The following PRR11 variants were observed in gnomAD, a reference collection of about 807,000 sequenced individuals.
PRR11 encodes proline rich 11, also known as proline-rich protein 11.
Under a neutral mutation model 45.6 loss-of-function variants are expected in PRR11, and 30 were observed. The observed-to-expected ratio is 0.66, with a 90% CI of 0.49 to 0.89. PRR11 has a LOEUF of 0.89. Among genes scored for constraint, PRR11 ranks in the 40% least tolerant of loss-of-function variants. The pLI, the probability that PRR11 is intolerant of heterozygous loss-of-function variation, is 0.00. For synonymous variants in PRR11, 128 were observed against 153.5 expected, an observed-to-expected ratio of 0.83 and a Z score of 1.23; for missense variants, 373 against 424.8, an observed-to-expected ratio of 0.88 and a Z score of 1.07.
intron 1 of PRR11, 129 bp downstream of exon 1, chr17:59,155,934 G>C (rs1363919846): frequency 1.3e-5 from 2 of 152,322 alleles, no homozygotes; most frequent in South Asian, 4.1e-4. Context: ...GAAATGGAAA[G>C]GAGGAAGGGG....
chr17:59,185,232 T>C (rs772542491), intron 3 of PRR11, 28 bp downstream of exon 3: 3 of 1,609,824 alleles, frequency 1.9e-6, no homozygotes, highest in Admixed American at 1.7e-5. Flanking sequence ...CTGTTTTCAG[T>C]GCTATAGTTT....
At chr17:59,164,895 C>T (rs1433221088) in intron 1 of PRR11, among the ~76,000 whole-genome samples, 1 of 151,820 alleles carries the variant, frequency 6.6e-6, no homozygotes, top group Non-Finnish European at 1.5e-5. Context: ...AAAAAAAGGT[C>T]CTGACCATAG....
intron 7 of PRR11, among the ~76,000 whole-genome samples, chr17:59,197,125 G>A (rs1382130247): frequency 2.0e-5 from 3 of 152,030 alleles, no homozygotes; most frequent in African/African-American, 7.2e-5. Context: ...GGGATCACAG[G>A]CGTGAGCCAC....
intron 2 of PRR11, among the ~76,000 whole-genome samples, chr17:59,174,570 G>T (rs2046731719): frequency 6.6e-6 from 1 of 152,188 alleles, no homozygotes. Context: ...CAACCTCCCA[G>T]GCTCCAGTGA....
chr17:59,174,842 A>T (rs2046734098), intron 2 of PRR11: 1 of 1,260,724 alleles, frequency 7.9e-7, no homozygotes, highest in Admixed American at 1.7e-5. Context: ...TGGATCTGGA[A>T]AAACAAACGC....
intron 9 of PRR11, among the ~76,000 whole-genome samples, chr17:59,199,619 G>A (rs895488784): frequency 6.6e-6 from 1 of 152,168 alleles, no homozygotes; most frequent in African/African-American, 2.4e-5. Context: ...GGCTGCCCCT[G>A]CTGGAGTGCT....
At position 59,193,600 on chromosome 17, in the gene PRR11, G is replaced by C. The variant is rs200300454; in HGVS notation, c.511G>C (p.Ala171Pro). The change falls in exon 5 of 10, where the codon GCT (alanine) becomes CCT (proline). Residue 171 changes from alanine (A) to proline (P), a missense_variant. Transcript: ENST00000262293. ...TCTGATCACCCCTGGAGACTCCAAA[G>C]CTGTGCTTCCTCCCACACTGCCACA... is the stretch of plus-strand genomic sequence containing the variant. ...CVLITPGDSK[A>P]VLPPTLPQPA... The C allele has an allele frequency of 6.2e-6, 10 of 1,614,134 alleles. No homozygotes were observed. In the East Asian group the frequency reaches 2.2e-4, roughly 36 times the overall value.
At chr17:59,173,642 C>G (rs1716404840) in intron 2 of PRR11, among the ~76,000 whole-genome samples, 1 of 152,214 alleles carries the variant, frequency 6.6e-6, no homozygotes, top group African/African-American at 2.4e-5. Flanking sequence ...AAGGAACAAA[C>G]TCCGGACACG....
rs1283476585 is a variant in PRR11, at chr17:59,204,880, T to G, written c.*3249T>G. 6.6e-6 allele frequency among the ~76,000 whole-genome samples: 1 copy of G among 151,782 alleles called. No homozygotes were observed. Among genetic ancestry groups the G allele is most frequent in the Non-Finnish European group, 1.5e-5 (1 of 67,980 alleles). On this transcript the variant is annotated 3_prime_UTR_variant, in exon 10 of 10. Transcript: ENST00000262293. ...CCCAACTCTACAAAAAACGAAAAAT[T>G]AGCCGGGAGCGGTGATGTGTGCCTG...
At position 59,197,558 on chromosome 17, in the gene PRR11, G is replaced by C; in HGVS notation, c.872G>C (p.Ser291Thr). 1 of 1,613,932 alleles carries C rather than the reference G, an allele frequency of 6.2e-7. No individual in the cohort carries two copies. Among genetic ancestry groups the C allele is most frequent in the East Asian group, 2.2e-5 (1 of 44,878 alleles). ...TGTTTTATCAGCACTCCTGGAAAAA[G>C]TCAGATGGATCTGCGGAAACTGCTT... is the stretch of plus-strand genomic sequence containing the variant. The part of the protein sequence containing the change: ...VTNVLITPGK[S>T]QMDLRKLLRK... The change falls in exon 8 of 10, where the codon AGT becomes ACT. Residue 291 changes from serine to threonine, a missense_variant. Coordinates refer to ENST00000262293, the MANE Select transcript of PRR11 (RefSeq NM_018304.4).
At chr17:59,174,945 C>A in intron 2 of PRR11, 1 of 958,314 alleles carries the variant, frequency 1.0e-6, no homozygotes, top group African/African-American at 1.6e-5. Flanking sequence ...TCCACCTACC[C>A]CCACCCCGCC....
chr17:59,190,917 G>A (rs1308566322), intron 4 of PRR11, among the ~76,000 whole-genome samples: 1 of 152,238 alleles, frequency 6.6e-6, no homozygotes, highest in Non-Finnish European at 1.5e-5. Context: ...TATACCAGAA[G>A]GAGGAATGGC....
chr17:59,169,653 A>G (rs981354623), intron 1 of PRR11, 95 bp from the exon 2 acceptor site: 3 of 1,176,686 alleles, frequency 2.5e-6, no homozygotes, highest in South Asian at 3.5e-5. Flanking sequence ...GGGTGTGTTC[A>G]TGGTATAATT....
rs576472148 is a variant in PRR11 at position 59,181,186 on chromosome 17, C to T, written c.129-3868C>T. 9.4e-4 allele frequency among the ~76,000 whole-genome samples: 143 copies of T among 151,656 alleles called. 1 individual carries two copies. The highest frequency in any genetic ancestry group is 1.5e-3 in the Non-Finnish European group (102 of 67,994). ...TTATATTTTTAGAAAGACTGTGTTT[C>T]ACCATGTTAGCCAGGATGGTCTCGA... On this transcript the variant is annotated intron_variant, in intron 2 of 9. Coordinates refer to ENST00000262293, the MANE Select transcript of PRR11 (RefSeq NM_018304.4).
In PRR11 at chr17:59,188,779, A is replaced by G. The variant is rs534840240; in HGVS notation, c.402+3217A>G. Among the ~76,000 whole-genome samples, 861 of 151,920 alleles carry G rather than the reference A, an allele frequency of 5.7e-3. 3 individuals are homozygous for G. Among genetic ancestry groups the G allele is most frequent in the Non-Finnish European group, 7.2e-3 (489 of 67,958 alleles). On this transcript the variant is annotated intron_variant, in intron 4 of 9. Transcript: ENST00000262293. ...CATGGCAAAACCCCATCTCTACTAA[A>G]AATACAAAAAATTAGCCTGGCATGG...
intron 1 of PRR11, among the ~76,000 whole-genome samples, 168 bp from the exon 2 acceptor site, chr17:59,169,580 T>C (rs1401808716): frequency 2.0e-5 from 3 of 152,224 alleles, no homozygotes; most frequent in African/African-American, 7.2e-5. Flanking sequence ...CATTTTCCCC[T>C]ACTTCAGGGC....
At chr17:59,195,485 G>T (rs750664134) in intron 7 of PRR11, 42 bp downstream of exon 7, 1 of 1,297,814 alleles carries the variant, frequency 7.7e-7, no homozygotes, top group South Asian at 1.3e-5. Context: ...CTACTTAAAA[G>T]AATGATATTG....
intron 2 of PRR11, among the ~76,000 whole-genome samples, chr17:59,182,542 C>T (rs1036446577): frequency 6.7e-6 from 1 of 150,336 alleles, no homozygotes; most frequent in African/African-American, 2.5e-5. Flanking sequence ...CAGGCGCGCA[C>T]CACTACCACC....
chr17:59,177,401 C>T (rs1316169941), intron 2 of PRR11: 9 of 476,336 alleles, frequency 1.9e-5, no homozygotes, highest in Non-Finnish European at 3.0e-5. Flanking sequence ...GTGGAAATTG[C>T]GGGGTGGTGG....
Sources: gnomAD v4.1 joint callset for allele counts (sites outside exome capture counted in the v4.1 genomes callset) on GRCh38, gnomAD v4.1.1 for gene constraint, MANE v1.5 for transcripts, NCBI Gene and HGNC (gene_info 2026-07-23, HGNC 2026-07-21) for gene names.